The following NRCAM variants were observed in gnomAD, a reference collection of about 807,000 sequenced individuals.
NRCAM encodes neuronal cell adhesion molecule, also known as NgCAM-related cell adhesion molecule.
In NRCAM, 83 loss-of-function variants were observed where a neutral mutation model predicts 156.5. That is an observed-to-expected ratio of 0.53 (90% CI 0.44 to 0.64). NRCAM has a LOEUF of 0.64. NRCAM is among the 30% of genes least tolerant of loss of function. The probability of loss-of-function intolerance (pLI) is 0.00; values close to 1 mark genes in which losing one functional copy is unlikely to be tolerated. For synonymous variants in NRCAM, 538 were observed against 563.9 expected (o/e 0.95, Z 0.65); for missense variants, 1,417 against 1,597.3 (o/e 0.89, Z 1.92).
intron 1 of NRCAM, among the ~76,000 whole-genome samples, chr7:108,439,952 T>C (rs1836764986): frequency 6.7e-6 from 1 of 149,832 alleles, no homozygotes; most frequent in South Asian, 2.1e-4. Context: ...CTTTAAAAAA[T>C]AGTTTGGTAA....
intron 1 of NRCAM, among the ~76,000 whole-genome samples, chr7:108,455,058 G>T (rs2154507008): frequency 6.6e-6 from 1 of 152,280 alleles, no homozygotes; most frequent in African/African-American, 2.4e-5. Flanking sequence ...GGCCGCGGGC[G>T]CGGGCGGGAG....
At chr7:108,239,573 G>A (rs988914396) in intron 4 of NRCAM, among the ~76,000 whole-genome samples, 2 of 152,086 alleles carry the variant, frequency 1.3e-5, no homozygotes, top group African/African-American at 4.8e-5. Flanking sequence ...GTGAAGGGAT[G>A]AGTGGGGAGG....
At chr7:108,286,853 A>G (rs899519793) in intron 3 of NRCAM, among the ~76,000 whole-genome samples, 3 of 152,204 alleles carry the variant, frequency 2.0e-5, no homozygotes, top group African/African-American at 7.2e-5. Context: ...CACATCTTAC[A>G]TAGTGAGGTT....
chr7:108,433,362 C>T (rs770250108), intron 1 of NRCAM, among the ~76,000 whole-genome samples: 9 of 152,056 alleles, frequency 5.9e-5, no homozygotes, highest in Non-Finnish European at 8.8e-5. Context: ...ACAGGGAATC[C>T]CAGGGTCTCT....
chr7:108,237,598 T>A (rs1183016181), intron 5 of NRCAM, among the ~76,000 whole-genome samples, 154 bp downstream of exon 5: 4 of 152,196 alleles, frequency 2.6e-5, no homozygotes, highest in African/African-American at 9.6e-5. Context: ...TTCTTGGTAT[T>A]GAAATACAAT....
chr7:108,173,469 G>C (rs936340060), intron 28 of NRCAM, among the ~76,000 whole-genome samples: 4 of 151,958 alleles, frequency 2.6e-5, no homozygotes, highest in African/African-American at 9.7e-5. Context: ...ATATGGAGAA[G>C]GGAAATAGTG....
intron 3 of NRCAM, among the ~76,000 whole-genome samples, chr7:108,291,316 T>C (rs1237590392): frequency 6.6e-6 from 1 of 152,162 alleles, no homozygotes; most frequent in Non-Finnish European, 1.5e-5. Flanking sequence ...CAATGGGAAA[T>C]AGAATTAGTT....
intron 6 of NRCAM, 86 bp downstream of exon 6, chr7:108,234,497 G>T: frequency 1.2e-6 from 1 of 863,636 alleles, no homozygotes; most frequent in Non-Finnish European, 1.9e-6. Flanking sequence ...TGCCTTGTTT[G>T]ATGGAAATTC....
chr7:108,403,352 G>C (rs990982039), intron 1 of NRCAM, among the ~76,000 whole-genome samples: 4 of 151,956 alleles, frequency 2.6e-5, no homozygotes, highest in African/African-American at 9.7e-5. Context: ...AGTTAGACAA[G>C]AACACTATCT....
chr7:108,201,181 A>AAAAC (rs779388960), intron 13 of NRCAM, among the ~76,000 whole-genome samples: 40 of 151,780 alleles, frequency 2.6e-4, no homozygotes, highest in Non-Finnish European at 5.4e-4. Flanking sequence ...GTCGGTAAAA[A>AAAAC]AAAAAAAAAA....
intron 1 of NRCAM, among the ~76,000 whole-genome samples, chr7:108,408,065 G>T (rs974069937): frequency 1.3e-5 from 2 of 151,988 alleles, no homozygotes; most frequent in Non-Finnish European, 2.9e-5. Context: ...TTAAAGAAGT[G>T]ATTTTATCAT....
At chr7:108,284,671 CT>C (rs2098010885) in intron 3 of NRCAM, among the ~76,000 whole-genome samples, 1 of 152,188 alleles carries the variant, frequency 6.6e-6, no homozygotes, top group Admixed American at 6.5e-5. Context: ...GACAGATGTT[CT>C]TCCTCTGTGC....
At chr7:108,160,048 C>T (rs1396797242) in intron 31 of NRCAM, among the ~76,000 whole-genome samples, 1 of 152,108 alleles carries the variant, frequency 6.6e-6, no homozygotes, top group Non-Finnish European at 1.5e-5. Context: ...ATGAACCTTC[C>T]CTGCAACTCT....
chr7:108,359,083 T>C (rs201595331), intron 2 of NRCAM, among the ~76,000 whole-genome samples: 2 of 152,292 alleles, frequency 1.3e-5, no homozygotes, highest in East Asian at 1.9e-4. Flanking sequence ...ATGTAGGCTA[T>C]TTTAGAGTTT....
intron 11 of NRCAM, among the ~76,000 whole-genome samples, chr7:108,220,978 C>A (rs982043818): frequency 6.6e-6 from 1 of 152,094 alleles, no homozygotes; most frequent in African/African-American, 2.4e-5. Flanking sequence ...CCAGAATCTA[C>A]AACAAACTCA....
chr7:108,243,394 A>G (rs182499995), intron 3 of NRCAM, among the ~76,000 whole-genome samples: 60 of 152,288 alleles, frequency 3.9e-4, no homozygotes, highest in African/African-American at 1.3e-3. Flanking sequence ...ACACTGCACA[A>G]AGAAAAACCA....
chr7:108,392,505 C>T (rs1465045028), intron 2 of NRCAM, among the ~76,000 whole-genome samples: 18 of 152,172 alleles, frequency 1.2e-4, no homozygotes, highest in African/African-American at 7.2e-5. Context: ...GGCTTCTTTG[C>T]GATGGGTTTG....
intron 2 of NRCAM, among the ~76,000 whole-genome samples, chr7:108,335,395 C>T (rs931715786): frequency 6.8e-6 from 1 of 147,386 alleles, no homozygotes; most frequent in African/African-American, 2.5e-5. Context: ...TCCAATTCCT[C>T]ACCTGGCTGG....
chr7:108,341,813 A>G (rs1452662024), intron 2 of NRCAM, among the ~76,000 whole-genome samples: 1 of 152,152 alleles, frequency 6.6e-6, no homozygotes, highest in Non-Finnish European at 1.5e-5. Context: ...CAATACTCCA[A>G]TTCTAGGAGT....
Sources: gnomAD v4.1 joint callset for allele counts (sites outside exome capture counted in the v4.1 genomes callset) on GRCh38, gnomAD v4.1.1 for gene constraint, MANE v1.5 for transcripts, NCBI Gene and HGNC (gene_info 2026-07-23, HGNC 2026-07-21) for gene names.